ZFP64: variants seen among roughly 807,000 people sequenced by gnomAD.
The protein encoded by ZFP64 is zinc finger protein 64.
Under a neutral mutation model 51.6 loss-of-function variants are expected in ZFP64, and 14 were observed. The observed-to-expected ratio is 0.27, with a 90% CI of 0.18 to 0.42. The LOEUF is 0.42. Ranked by LOEUF, ZFP64 falls within the 10% of genes least tolerant of loss-of-function variation. ZFP64 has a pLI of 1.00. For synonymous variants in ZFP64, 375 were observed against 361.4 expected, an observed-to-expected ratio of 1.04 and a Z score of -0.43; for missense variants, 754 against 906.8, an observed-to-expected ratio of 0.83 and a Z score of 2.16.
rs534661400 is a variant in ZFP64 at position 52,139,796 on chromosome 20, C to T, written c.763+20327G>A. ...ATAGTTTCACAAATTGTAATACAGG[C>T]ACACCTTGTTTGATTGTCCTTAGTT... On this transcript the variant is annotated intron_variant, in intron 5 of 8. Transcript: ENST00000361387. Among the ~76,000 whole-genome samples the T allele has an allele frequency of 1.3e-4, 19 of 151,636 alleles. No individual in the cohort carries two copies. In the South Asian group the frequency reaches 2.7e-3, roughly 22 times the overall value.
intron 5 of ZFP64, among the ~76,000 whole-genome samples, chr20:52,109,790 A>G (rs1309011773): frequency 6.6e-6 from 1 of 151,310 alleles, no homozygotes. Flanking sequence ...CAAAAAAAAA[A>G]AAAAAAAAAA....
chr20:52,164,014 T>C (rs557393894), intron 4 of ZFP64, among the ~76,000 whole-genome samples: 1 of 152,248 alleles, frequency 6.6e-6, no homozygotes, highest in African/African-American at 2.4e-5. Context: ...TAAAGATACA[T>C]AAAATGAAAG....
intron 5 of ZFP64, among the ~76,000 whole-genome samples, chr20:52,139,725 A>AT (rs1303657537): frequency 6.6e-6 from 1 of 152,130 alleles, no homozygotes; most frequent in South Asian, 2.1e-4. Context: ...TACGGGTCAC[A>AT]TTTTCAGACC....
Position 52,167,888 on chromosome 20 carries a change from G to C in ZFP64, c.287-1863C>G, listed in dbSNP as rs117053619. On this transcript the variant is annotated intron_variant, in intron 2 of 5. Coordinates refer to ENST00000216923, the MANE Select transcript of ZFP64 (RefSeq NM_018197.3). ...ACTAATATCCATGCCACAGGCTCCA[G>C]GTGCTAGTTTGTTTTCTCTTAAACA... Among the ~76,000 whole-genome samples the C allele has an allele frequency of 1.3e-3, 200 of 152,246 alleles. 1 individual carries two copies. The East Asian group carries it at 0.025, about 19-fold the overall frequency.
chr20:52,121,554 G>T (rs1600726679), intron 5 of ZFP64, among the ~76,000 whole-genome samples: 1 of 152,188 alleles, frequency 6.6e-6, no homozygotes, highest in East Asian at 1.9e-4. Flanking sequence ...AAGCTGCAGA[G>T]GAAAAGAGAA....
rs371444820 is a variant in ZFP64 at position 52,152,436 on chromosome 20, G to C, written c.1756C>G (p.Leu586Val). ...GGGCCACCTGAGGCCGTGGGGATGAGAGTCTGGTGCAGAGTGGCTCCGTCC... is the reference window on the plus strand; with the variant it reads ...GGGCCACCTGAGGCCGTGGGGATGACAGTCTGGTGCAGAGTGGCTCCGTCC... ...QTDGATLHQT[L>V]IPTASGGPQE... Residue 586 changes from leucine to valine, a missense_variant, in exon 6 of 6, where the codon CTC becomes GTC. Leu to Val is a conservative substitution (Grantham distance 32, BLOSUM62 1). Coordinates refer to ENST00000216923, the MANE Select transcript of ZFP64 (RefSeq NM_018197.3). The C allele has an allele frequency of 2.8e-5, 45 of 1,614,060 alleles. No individual in the cohort carries two copies. The African/African-American group carries it at 4.9e-4, about 18-fold the overall frequency.
chr20:52,112,297 G>T (rs1192263042), intron 5 of ZFP64, among the ~76,000 whole-genome samples: 4 of 151,682 alleles, frequency 2.6e-5, no homozygotes, highest in Non-Finnish European at 5.9e-5. Context: ...AGTATTAACA[G>T]TTATTTATGA....
intron 5 of ZFP64, among the ~76,000 whole-genome samples, chr20:52,135,285 G>A (rs1454950262): frequency 2.0e-5 from 3 of 152,220 alleles, no homozygotes; most frequent in East Asian, 3.9e-4. Context: ...GCACAGCCAC[G>A]CCCACTGCCC....
exon 9 of ZFP64, chr20:52,084,678 C>T (rs754467359): frequency 6.2e-6 from 10 of 1,614,256 alleles, no homozygotes; most frequent in Admixed American, 5.0e-5. Flanking sequence ...CTTGTTCTCA[C>T]TCTGATCACT....
At chr20:52,092,757 G>T (rs138860683) in intron 7 of ZFP64, among the ~76,000 whole-genome samples, 3,167 of 152,268 alleles carry the variant, frequency 0.021, 36 homozygotes, top group Middle Eastern at 0.061. Context: ...TCAGGAGGCT[G>T]AGGCACGAGA....
chr20:52,129,080 A>ATT (rs529069931), intron 5 of ZFP64, among the ~76,000 whole-genome samples: 7 of 132,712 alleles, frequency 5.3e-5, no homozygotes, highest in Non-Finnish European at 1.6e-5. Context: ...CTCCTGGCTA[A>ATT]TTTTTTTTTT....
At chr20:52,103,841 C>T (rs569707377) in intron 5 of ZFP64, among the ~76,000 whole-genome samples, 1 of 152,334 alleles carries the variant, frequency 6.6e-6, no homozygotes, top group South Asian at 2.1e-4. Flanking sequence ...TCCACTCGAG[C>T]AAGCTTTATT....
chr20:52,089,315 A>T (rs1163638553), intron 7 of ZFP64, among the ~76,000 whole-genome samples: 1 of 152,232 alleles, frequency 6.6e-6, no homozygotes, highest in African/African-American at 2.4e-5. Flanking sequence ...AAATGAAATT[A>T]GAGAAATGAA....
exon 9 of ZFP64, chr20:52,084,671 G>C: frequency 6.2e-7 from 1 of 1,614,234 alleles, no homozygotes; most frequent in Non-Finnish European, 8.5e-7. Flanking sequence ...CTGAGTTCTT[G>C]TTCTCACTCT....
At chr20:52,092,625 G>A (rs539967309) in intron 7 of ZFP64, among the ~76,000 whole-genome samples, 6 of 152,270 alleles carry the variant, frequency 3.9e-5, no homozygotes, top group South Asian at 2.1e-4. Flanking sequence ...CAAGGCAGGC[G>A]GATCCGCCTT....
At chr20:52,112,082 C>CAAAAAA (rs375422075) in intron 5 of ZFP64, among the ~76,000 whole-genome samples, 1 of 78,374 alleles carries the variant, frequency 1.3e-5, no homozygotes, top group East Asian at 5.4e-4. Flanking sequence ...ACTCTATCTC[C>CAAAAAA]AAAAAAAAAA....
At chr20:52,116,634 C>T (rs911219334) in intron 5 of ZFP64, among the ~76,000 whole-genome samples, 2 of 151,992 alleles carry the variant, frequency 1.3e-5, no homozygotes, top group Non-Finnish European at 2.9e-5. Flanking sequence ...ATCCAAAAGA[C>T]AAAGTGTACA....
At chr20:52,117,974 G>A (rs1978969094) in intron 5 of ZFP64, among the ~76,000 whole-genome samples, 1 of 151,368 alleles carries the variant, frequency 6.6e-6, no homozygotes, top group Non-Finnish European at 1.5e-5. Flanking sequence ...TTTTTTTTTG[G>A]TTTGGGAGAG....
chr20:52,139,650 A>C (rs1980156737), intron 5 of ZFP64, among the ~76,000 whole-genome samples: 1 of 152,176 alleles, frequency 6.6e-6, no homozygotes, highest in African/African-American at 2.4e-5. Flanking sequence ...TAAACCTAAA[A>C]TAAAAGTTGA....
Sources: gnomAD v4.1 joint callset for allele counts (sites outside exome capture counted in the v4.1 genomes callset) on GRCh38, gnomAD v4.1.1 for gene constraint, MANE v1.5 for transcripts, NCBI Gene and HGNC (gene_info 2026-07-23, HGNC 2026-07-21) for gene names.